The following DOK6 variants were observed in gnomAD, a reference collection of about 807,000 sequenced individuals.
DOK6 encodes downstream of tyrosine kinase 6.
A neutral mutation model predicts 44.0 loss-of-function variants in DOK6; 22 were observed. The ratio of observed to expected loss-of-function variants is 0.50; its 90% CI spans 0.36 to 0.71. The LOEUF (loss-of-function observed/expected upper bound fraction) is 0.71, where lower values mean the gene tolerates loss of function less well. DOK6 is among the 30% of genes least tolerant of loss of function. The pLI is 0.00. For synonymous variants in DOK6, 166 were observed against 145.5 expected (o/e 1.14, Z -1.01); for missense variants, 340 against 416.4 (o/e 0.82, Z 1.60).
chr18:69,765,455 T>C (rs1172275836), intron 7 of DOK6, among the ~76,000 whole-genome samples: 1 of 152,224 alleles, frequency 6.6e-6, no homozygotes, highest in African/African-American at 2.4e-5. Context: ...GAATTGGTTA[T>C]TCCCTAAAGC....
intron 1 of DOK6, among the ~76,000 whole-genome samples, chr18:69,491,842 A>G (rs140409724): frequency 1.9e-3 from 290 of 152,338 alleles, no homozygotes; most frequent in African/African-American, 6.4e-3. Flanking sequence ...TATATAAATC[A>G]TCTTTTTTCT....
chr18:69,465,641 A>G (rs1013725097), intron 1 of DOK6, among the ~76,000 whole-genome samples: 2 of 151,090 alleles, frequency 1.3e-5, no homozygotes, highest in African/African-American at 4.9e-5. Context: ...TGAACTCATC[A>G]TTTTTTATGG....
chr18:69,668,806 A>G (rs78626534), intron 3 of DOK6, among the ~76,000 whole-genome samples: 15,629 of 152,264 alleles, frequency 0.1, 982 homozygotes, highest in South Asian at 0.23. Context: ...CAATCTTTAC[A>G]AAATTACATA....
chr18:69,658,884 A>G (rs1334192483), intron 3 of DOK6, among the ~76,000 whole-genome samples: 1 of 152,230 alleles, frequency 6.6e-6, no homozygotes, highest in African/African-American at 2.4e-5. Context: ...GTAAGCCTGC[A>G]CATAATAATT....
chr18:69,552,897 G>A lies in DOK6; in HGVS notation c.67-11590G>A, dbSNP rs551695709. Among the ~76,000 whole-genome samples the A allele has an allele frequency of 1.5e-3, 236 of 152,340 alleles. 2 individuals are homozygous for A. Among genetic ancestry groups the A allele is most frequent in the African/African-American group, 5.3e-3 (221 of 41,584 alleles). On this transcript the variant is annotated intron_variant, in intron 1 of 7. Transcript: ENST00000382713. Reference sequence around the variant, plus strand: ...AGAAAATGTGTGTGTGTGCACATGCGCGTGTGCGCACAGAGATATGATGTG... The same window carrying A: ...AGAAAATGTGTGTGTGTGCACATGCACGTGTGCGCACAGAGATATGATGTG...
intron 4 of DOK6, among the ~76,000 whole-genome samples, chr18:69,695,007 G>A (rs1471262460): frequency 6.6e-6 from 1 of 152,132 alleles, no homozygotes. Flanking sequence ...GTTGAGATGG[G>A]ATTAATTTAT....
chr18:69,570,817 A>T (rs1983097333), intron 2 of DOK6, among the ~76,000 whole-genome samples: 1 of 152,080 alleles, frequency 6.6e-6, no homozygotes, highest in Non-Finnish European at 1.5e-5. Flanking sequence ...TCTGTGAAAA[A>T]TATCCTTTAA....
At chr18:69,510,059 C>T (rs182582122) in intron 1 of DOK6, among the ~76,000 whole-genome samples, 1 of 152,314 alleles carries the variant, frequency 6.6e-6, no homozygotes, top group African/African-American at 2.4e-5. Flanking sequence ...AGCTTTTACC[C>T]TGAGACTACT....
At chr18:69,482,963 C>T (rs556783467) in intron 1 of DOK6, among the ~76,000 whole-genome samples, 80 of 151,710 alleles carry the variant, frequency 5.3e-4, no homozygotes, top group African/African-American at 1.6e-3. Context: ...TGGGGGTTTG[C>T]GGTACACAGA....
At chr18:69,486,082 G>A (rs1327720180) in intron 1 of DOK6, among the ~76,000 whole-genome samples, 2 of 140,110 alleles carry the variant, frequency 1.4e-5, no homozygotes, top group Non-Finnish European at 3.2e-5. Context: ...ATATTTCATA[G>A]GTAAAAAGGT....
chr18:69,488,280 A>G (rs547658884), intron 1 of DOK6, among the ~76,000 whole-genome samples: 1 of 152,104 alleles, frequency 6.6e-6, no homozygotes, highest in Non-Finnish European at 1.5e-5. Flanking sequence ...GTCTCCAGAT[A>G]CCATTACATT....
intron 1 of DOK6, among the ~76,000 whole-genome samples, chr18:69,492,511 A>G (rs889570772): frequency 1.3e-4 from 20 of 152,016 alleles, no homozygotes; most frequent in Admixed American, 6.6e-4. Flanking sequence ...AGTTTGATGT[A>G]CAGATTACTT....
intron 1 of DOK6, among the ~76,000 whole-genome samples, chr18:69,442,774 A>G (rs958743909): frequency 6.8e-6 from 1 of 147,236 alleles, no homozygotes; most frequent in Non-Finnish European, 1.5e-5. Flanking sequence ...GTCTTATACT[A>G]TACTTATATA....
intron 1 of DOK6, among the ~76,000 whole-genome samples, chr18:69,541,412 A>T (rs1982265343): frequency 1.3e-5 from 2 of 151,542 alleles, no homozygotes; most frequent in Non-Finnish European, 3.0e-5. Flanking sequence ...TATGTATATT[A>T]TCCACAAAGA....
At chr18:69,801,803 C>A (rs558914051) in intron 7 of DOK6, among the ~76,000 whole-genome samples, 3 of 152,180 alleles carry the variant, frequency 2.0e-5, no homozygotes, top group Non-Finnish European at 2.9e-5. Context: ...CCTGGGCAAC[C>A]TAACCCAGGC....
chr18:69,526,581 G>A (rs1599174023), intron 1 of DOK6, among the ~76,000 whole-genome samples: 1 of 152,142 alleles, frequency 6.6e-6, no homozygotes, highest in African/African-American at 2.4e-5. Flanking sequence ...GTGTACATAT[G>A]TTTTCATTTC....
chr18:69,459,108 C>G (rs574888607), intron 1 of DOK6, among the ~76,000 whole-genome samples: 10 of 120,660 alleles, frequency 8.3e-5, no homozygotes, highest in South Asian at 2.7e-4. Flanking sequence ...AACCCCCCCC[C>G]CAAAAAAAAG....
Position 69,841,585 on chromosome 18 carries a change from G to T in DOK6, c.*202G>T. 1 of 606,856 alleles carries T rather than the reference G, an allele frequency of 1.6e-6. No individual in the cohort carries two copies. The highest frequency in any genetic ancestry group is 3.6e-5 in the South Asian group (1 of 27,758). 37.6% of individuals were successfully genotyped at this position (606,856 alleles called of 1,614,324 possible). On this transcript the variant is annotated 3_prime_UTR_variant, in exon 8 of 8. Coordinates refer to ENST00000382713, the MANE Select transcript of DOK6 (RefSeq NM_152721.6). ...GTCCTTTATTTATTGAATTTCTTTG[G>T]GGGAATCTATGTTTTACATAAATAG...
At position 69,805,395 on chromosome 18, in the gene DOK6, A is replaced by T. The variant is rs185511031; in HGVS notation, c.857-35849A>T. Among the ~76,000 whole-genome samples, 294 of 152,304 alleles carry T rather than the reference A, an allele frequency of 1.9e-3. 1 individual carries two copies. Among genetic ancestry groups the T allele is most frequent in the Non-Finnish European group, 3.4e-3 (229 of 68,012 alleles). On this transcript the variant is annotated intron_variant, in intron 7 of 7. Transcript: ENST00000382713. Reference sequence around the variant, plus strand: ...CTTGTGAGGTTTTATGAAAGAAGTGAGTAATGAGAAATAATGGCCTGAGAT... The same window carrying T: ...CTTGTGAGGTTTTATGAAAGAAGTGTGTAATGAGAAATAATGGCCTGAGAT...
Sources: allele counts gnomAD v4.1 joint callset (sites outside exome capture counted in the v4.1 genomes callset), GRCh38; gene constraint gnomAD v4.1.1; transcripts MANE v1.5; gene names NCBI Gene and HGNC (gene_info 2026-07-23, HGNC 2026-07-21).